The following CAB39 variants were observed in gnomAD, a reference collection of about 807,000 sequenced individuals.
CAB39 encodes calcium binding protein 39.
A neutral mutation model predicts 40.0 loss-of-function variants in CAB39; 8 were observed. The observed-to-expected ratio is 0.20, with a 90% CI of 0.12 to 0.36. CAB39 has a LOEUF of 0.36. Ranked by LOEUF, CAB39 falls within the 10% of genes least tolerant of loss-of-function variation. CAB39 has a pLI of 1.00. For synonymous variants in CAB39, 156 were observed against 141.6 expected (o/e 1.10, Z -0.72); for missense variants, 270 against 401.1 (o/e 0.67, Z 2.79).
chr2:230,775,133 GT>G (rs1481139173), intron 2 of CAB39, among the ~76,000 whole-genome samples: 4 of 151,526 alleles, frequency 2.6e-5, no homozygotes, highest in Non-Finnish European at 5.9e-5. Context: ...TGATTCTTTT[GT>G]TAAAGATTGG....
intron 2 of CAB39, among the ~76,000 whole-genome samples, chr2:230,777,657 T>TGACCACCTC (rs1424750363): frequency 6.6e-6 from 1 of 152,040 alleles, no homozygotes; most frequent in Non-Finnish European, 1.5e-5. Context: ...ATCGCCACCT[T>TGACCACCTC]GACCACCTCC....
intron 1 of CAB39, among the ~76,000 whole-genome samples, chr2:230,729,361 A>T (rs755872381): frequency 2.0e-5 from 3 of 152,240 alleles, no homozygotes; most frequent in Non-Finnish European, 4.4e-5. Context: ...CAAATAAAAG[A>T]CTTAACTATT....
chr2:230,818,054 A>C, intron 8 of CAB39, 157 bp downstream of exon 8: 1 of 656,854 alleles, frequency 1.5e-6, no homozygotes, highest in Non-Finnish European at 2.6e-6. Flanking sequence ...TTTAAACAGA[A>C]AGGTAGACCT....
In CAB39 at chr2:230,725,169, G is replaced by A. The variant is rs185621680; in HGVS notation, c.-44+11939G>A. ...CACAAGAAGGCGTCGCACCACTCTC[G>A]AAGGCAGTCCCGGGACTGCTTGGCG... is the stretch of plus-strand genomic sequence containing the variant. On this transcript the variant is annotated intron_variant, in intron 1 of 8. Coordinates refer to ENST00000258418, the MANE Select transcript of CAB39 (RefSeq NM_016289.4). 492 of 1,613,180 alleles carry A rather than the reference G, an allele frequency of 3.0e-4. 2 individuals are homozygous for A. The African/African-American group carries it at 5.7e-3, about 19-fold the overall frequency.
chr2:230,720,394 A>G (rs1390290738), intron 1 of CAB39, among the ~76,000 whole-genome samples: 1 of 152,158 alleles, frequency 6.6e-6, no homozygotes, highest in Non-Finnish European at 1.5e-5. Flanking sequence ...ATTAGCATTC[A>G]TACATCCTCA....
chr2:230,735,950 G>A (rs1355831191), intron 1 of CAB39, among the ~76,000 whole-genome samples: 4 of 152,146 alleles, frequency 2.6e-5, no homozygotes, highest in South Asian at 2.1e-4. Context: ...AAAGGAGAAC[G>A]ACACCAACTA....
At position 230,770,718 on chromosome 2, in the gene CAB39, A is replaced by G. The variant is rs192014488; in HGVS notation, c.114+10603A>G. Among the ~76,000 whole-genome samples the G allele has an allele frequency of 7.2e-5, 11 of 152,340 alleles. 1 individual carries two copies. The highest frequency in any genetic ancestry group is 2.6e-4 in the African/African-American group (11 of 41,582). ...ATTTTAGCAAATTGAATAGTAGACC[A>G]AGTGGGATTTATTCCTAGAATGCAG... On this transcript the variant is annotated intron_variant, in intron 2 of 8. Coordinates refer to ENST00000258418, the MANE Select transcript of CAB39 (RefSeq NM_016289.4).
chr2:230,818,779 AT>A lies in CAB39; in HGVS notation c.*77del, dbSNP rs1696450818. The A allele has an allele frequency of 1.8e-6, 2 of 1,133,542 alleles. No homozygotes were observed. The highest frequency in any genetic ancestry group is 2.6e-6 in the Non-Finnish European group (2 of 773,976). The allele number at this position is 1,133,542 out of a possible 1,614,324, so 70.2% of individuals were successfully genotyped here. A position where few individuals can be genotyped will look rare whatever the true frequency, so the allele number is the denominator to read the frequency against. On this transcript the variant is annotated 3_prime_UTR_variant, in exon 9 of 9. Coordinates refer to ENST00000258418, the MANE Select transcript of CAB39 (RefSeq NM_016289.4). Reference sequence around the variant, plus strand: ...TATTCAGCATCAGGCACTCTTATTGATTCATGAGGAACATTACTGCTAATCT... The same window carrying A: ...TATTCAGCATCAGGCACTCTTATTGATCATGAGGAACATTACTGCTAATCT...
intron 3 of CAB39, among the ~76,000 whole-genome samples, chr2:230,791,737 C>T (rs1695895978): frequency 6.6e-6 from 1 of 152,228 alleles, no homozygotes; most frequent in African/African-American, 2.4e-5. Flanking sequence ...ATCTCCTGCC[C>T]AGCCCTGGTA....
chr2:230,783,695 T>C (rs1439438212), intron 2 of CAB39, among the ~76,000 whole-genome samples: 1 of 151,894 alleles, frequency 6.6e-6, no homozygotes, highest in Non-Finnish European at 1.5e-5. Flanking sequence ...AGATAGGGTC[T>C]CTCACCATGT....
rs1450060380 is a variant in CAB39 at position 230,791,001 on chromosome 2, A to T, written c.244A>T (p.Thr82Ser). Residue 82 changes from threonine to serine, a missense_variant, in exon 3 of 9, where the codon ACC becomes TCC. Transcript: ENST00000258418. ...ACTCTATAATAGTGGGCTCCTTAGC[A>T]CCCTGGTAGCTGATTTACAGCTCAT... is the stretch of plus-strand genomic sequence containing the variant. ...QELYNSGLLS[T>S]LVADLQLIDF... 17 of 1,605,036 alleles carry T rather than the reference A, an allele frequency of 1.1e-5. No homozygotes were observed. Among genetic ancestry groups the T allele is most frequent in the Non-Finnish European group, 1.4e-5 (17 of 1,177,480 alleles).
chr2:230,717,775 C>G (rs1250313564), intron 1 of CAB39, among the ~76,000 whole-genome samples: 6 of 152,168 alleles, frequency 3.9e-5, no homozygotes, highest in African/African-American at 1.4e-4. Context: ...CCCAGTCCCA[C>G]TGTGCTTTTA....
chr2:230,750,090 G>A (rs1456304012), intron 1 of CAB39, among the ~76,000 whole-genome samples: 1 of 152,158 alleles, frequency 6.6e-6, no homozygotes, highest in Non-Finnish European at 1.5e-5. Flanking sequence ...TTACTTTGAG[G>A]ATCAAAATAA....
In CAB39 at chr2:230,818,620, G is replaced by C. The variant is rs146490647; in HGVS notation, c.942G>C (p.Thr314=). The change falls in exon 9 of 9, where the codon ACG becomes ACC. Residue 314 remains threonine (T), a synonymous_variant. Coordinates refer to ENST00000258418, the MANE Select transcript of CAB39 (RefSeq NM_016289.4). ...TCAGCAAGTTTCAGAACGACAGGACGGAGGATGAGCAGTTTAACGACGAGA... is the reference window on the plus strand; with the variant it reads ...TCAGCAAGTTTCAGAACGACAGGACCGAGGATGAGCAGTTTAACGACGAGA... ...EFLSKFQNDR[T]EDEQFNDEKT... The C allele has an allele frequency of 1.2e-6, 2 of 1,614,106 alleles. No homozygotes were observed. The highest frequency in any genetic ancestry group is 1.7e-6 in the Non-Finnish European group (2 of 1,179,964).
In CAB39 at chr2:230,820,149, C is replaced by G. The variant is rs1696482555; in HGVS notation, c.*1445C>G. On this transcript the variant is annotated 3_prime_UTR_variant, in exon 9 of 9. Coordinates refer to ENST00000258418, the MANE Select transcript of CAB39 (RefSeq NM_016289.4). ...TAAAGTTATTAGAATGGTATCTGTT[C>G]ATTTTAGTGATATGAAGATCACAAC... 2 of 152,582 alleles carry G rather than the reference C, an allele frequency of 1.3e-5. No individual in the cohort carries two copies. Among genetic ancestry groups the G allele is most frequent in the South Asian group, 4.1e-4 (2 of 4,828 alleles). 9.5% of individuals were successfully genotyped at this position (152,582 alleles called of 1,614,324 possible).
At chr2:230,753,869 T>C (rs1034843982) in intron 1 of CAB39, among the ~76,000 whole-genome samples, 4 of 152,336 alleles carry the variant, frequency 2.6e-5, no homozygotes, top group African/African-American at 9.6e-5. Flanking sequence ...ACTTCAGTTA[T>C]GTCCAAAACA....
chr2:230,740,453 T>G (rs1694856533), intron 1 of CAB39, among the ~76,000 whole-genome samples: 1 of 152,190 alleles, frequency 6.6e-6, no homozygotes, highest in African/African-American at 2.4e-5. Flanking sequence ...GAATAATTGT[T>G]CAGTCCTGCT....
At chr2:230,811,590 G>A (rs530228057) in intron 6 of CAB39, among the ~76,000 whole-genome samples, 3 of 152,292 alleles carry the variant, frequency 2.0e-5, no homozygotes, top group Admixed American at 6.5e-5. Context: ...CCTACCATGG[G>A]CTGGTAGGAC....
chr2:230,738,039 A>G (rs1352505101), intron 1 of CAB39, among the ~76,000 whole-genome samples: 2 of 152,198 alleles, frequency 1.3e-5, no homozygotes, highest in Non-Finnish European at 2.9e-5. Flanking sequence ...TTCTCGCCTT[A>G]TCATGCTTCA....
Sources: gnomAD v4.1 joint callset for allele counts (sites outside exome capture counted in the v4.1 genomes callset) on GRCh38, gnomAD v4.1.1 for gene constraint, MANE v1.5 for transcripts, NCBI Gene and HGNC (gene_info 2026-07-23, HGNC 2026-07-21) for gene names.